Variants in COX18 observed in about 807,000 individuals in gnomAD.
COX18 encodes cytochrome c oxidase assembly protein COX18, mitochondrial.
Under a neutral mutation model 38.0 loss-of-function variants are expected in COX18, and 45 were observed. The ratio of observed to expected loss-of-function variants is 1.18; its 90% CI spans 0.93 to 1.52. The LOEUF is 1.52. Among genes scored for constraint, COX18 ranks in the 40% most tolerant of loss-of-function variants. The pLI is 0.00. For missense variants in COX18, 462 were observed against 423.8 expected, an observed-to-expected ratio of 1.09 and a Z score of -0.79; for synonymous variants, 177 against 169.8, an observed-to-expected ratio of 1.04 and a Z score of -0.33.
chr4:73,068,179 T>C (rs1487121581), intron 1 of COX18, 50 bp from the exon 2 acceptor site: 1 of 1,107,398 alleles, frequency 9.0e-7, no homozygotes, highest in East Asian at 2.5e-5. Context: ...TCTTTATTCA[T>C]AATGACTCAT....
chr4:73,057,261 T>A lies in COX18; in HGVS notation c.*853A>T, dbSNP rs558042871. 1 of 152,132 alleles carries A rather than the reference T, an allele frequency of 6.6e-6. No homozygotes were observed. Among genetic ancestry groups the A allele is most frequent in the Non-Finnish European group, 1.5e-5 (1 of 68,074 alleles). The allele number at this position is 152,132 out of a possible 1,614,324, so 9.4% of individuals were successfully genotyped here. A position where few individuals can be genotyped will look rare whatever the true frequency, so the allele number is the denominator to read the frequency against. ...GTCCAACATGGTGAAACCCCATCTC[T>A]ACTAAAAATACAAAAATTAGCTGGG... is the stretch of plus-strand genomic sequence containing the variant. On this transcript the variant is annotated 3_prime_UTR_variant, in exon 6 of 6. Transcript: ENST00000507544.
At position 73,068,019 on chromosome 4, in the gene COX18, A is replaced by G. The variant is rs568793621; in HGVS notation, c.434+10T>C. 75 of 1,591,008 alleles carry G rather than the reference A, an allele frequency of 4.7e-5. 1 individual carries two copies. The South Asian group carries it at 7.4e-4, about 16-fold the overall frequency. On this transcript the variant is annotated intron_variant, in intron 2 of 5. Transcript: ENST00000507544. The stretch of plus-strand genomic sequence containing the variant: ...GTGCGTATGGTCTTACGTGGATATA[A>G]TTAGCTTACCTGGCATCTCTTTTGG...
chr4:73,069,678 G>T lies in COX18; in HGVS notation c.-29C>A. 1 of 1,535,120 alleles carries T rather than the reference G, an allele frequency of 6.5e-7. No individual in the cohort carries two copies. The highest frequency in any genetic ancestry group is 1.4e-5 in the African/African-American group (1 of 73,348). ...TGCACCACGGCGGAGCCCAGATCCC[G>T]GGCCTCACAATCCAGCGGACATACA... is the stretch of plus-strand genomic sequence containing the variant. On this transcript the variant is annotated 5_prime_UTR_variant, in exon 1 of 6. Coordinates refer to ENST00000507544, the MANE Select transcript of COX18 (RefSeq NM_001297732.2).
intron 4 of COX18, among the ~76,000 whole-genome samples, chr4:73,064,022 T>G (rs1282414036): frequency 6.6e-6 from 1 of 152,158 alleles, no homozygotes; most frequent in Non-Finnish European, 1.5e-5. Flanking sequence ...CAGTGGCTCA[T>G]GCCTGTAATC....
At chr4:73,062,822 G>A (rs1465229435) in intron 4 of COX18, among the ~76,000 whole-genome samples, 1 of 148,062 alleles carries the variant, frequency 6.8e-6, no homozygotes, top group Admixed American at 6.8e-5. Flanking sequence ...GGGTGACAGA[G>A]TAAGACCGTC....
rs755209668 is a variant in COX18 at position 73,065,401 on chromosome 4, T to C, written c.447A>G (p.Leu149=). ...WSKRDARLTY[L]KNMRRLISEL... is the part of the protein sequence containing the mutation. Reference sequence around the variant, plus strand: ...CTGAAATTAGCCTCCTCATATTCTTTAGATAAGTGAGCCTAGATTGAGGTT... The same window carrying C: ...CTGAAATTAGCCTCCTCATATTCTTCAGATAAGTGAGCCTAGATTGAGGTT... Residue 149 remains leucine (L), a synonymous_variant, in exon 3 of 6, where the codon CTA becomes CTG. Transcript: ENST00000507544. 13 of 1,611,542 alleles carry C rather than the reference T, an allele frequency of 8.1e-6. No individual in the cohort carries two copies. In the Admixed American group the frequency reaches 1.7e-4, roughly 21 times the overall value.
intron 5 of COX18, among the ~76,000 whole-genome samples, chr4:73,059,931 C>G (rs942781430): frequency 2.6e-5 from 4 of 151,940 alleles, no homozygotes; most frequent in African/African-American, 9.7e-5. Flanking sequence ...ACTATATTTC[C>G]TTGCCTCTTC....
chr4:73,069,342 G>A lies in COX18; in HGVS notation c.308C>T (p.Ala103Val). The A allele has an allele frequency of 6.5e-7, 1 of 1,547,834 alleles. No individual in the cohort carries two copies. The highest frequency in any genetic ancestry group is 8.7e-7 in the Non-Finnish European group (1 of 1,146,070). ...CTTGGCCAGGATGTAGTGCTGGTAG[G>A]CTGCCAAAGGCAGCGTGACAGCACC... ...LRGAVTLPLA[A>V]YQHYILAKVE... The change falls in exon 1 of 6, where the codon GCC becomes GTC. Residue 103 changes from alanine to valine, a missense_variant. By Grantham distance (64) the Ala-to-Val change is moderately conservative (BLOSUM62 0). Transcript: ENST00000507544.
chr4:73,062,895 C>A (rs1268729565), intron 4 of COX18, among the ~76,000 whole-genome samples: 1 of 151,712 alleles, frequency 6.6e-6, no homozygotes, highest in Admixed American at 6.6e-5. Context: ...ACTCTAGAGC[C>A]AAACTACGTA....
rs1324780264 is a variant in COX18 at position 73,054,636 on chromosome 4, A to G, written c.*3478T>C. On this transcript the variant is annotated 3_prime_UTR_variant, in exon 6 of 6. Coordinates refer to ENST00000507544, the MANE Select transcript of COX18 (RefSeq NM_001297732.2). ...AGAGCAACAGGAAACTAAGCACAAT[A>G]TACATTTGTAAAGATACAAATATAC... The G allele has an allele frequency of 2.6e-5, 4 of 152,244 alleles. No individual in the cohort carries two copies. Among genetic ancestry groups the G allele is most frequent in the African/African-American group, 9.6e-5 (4 of 41,466 alleles). The allele number at this position is 152,244 out of a possible 1,614,324, so 9.4% of individuals were successfully genotyped here.
Position 73,055,973 on chromosome 4 carries a change from AGAATTCT to A in COX18, c.*2134_*2140del, listed in dbSNP as rs547096589. The A allele has an allele frequency of 2.7e-4, 41 of 152,356 alleles. No individual in the cohort carries two copies. In the East Asian group the frequency reaches 7.5e-3, roughly 28 times the overall value. 9.4% of individuals were successfully genotyped at this position (152,356 alleles called of 1,614,324 possible). A position where few individuals can be genotyped will look rare whatever the true frequency, so the allele number is the denominator to read the frequency against. On this transcript the variant is annotated 3_prime_UTR_variant, in exon 6 of 6. Transcript: ENST00000507544. The stretch of plus-strand genomic sequence containing the variant: ...GTCTAAAATAAATTCTCAGGGAAGC[AGAATTCT>A]TACCTCTGTATGCTGTACATTTTTT...
At position 73,057,525 on chromosome 4, in the gene COX18, C is replaced by A. The variant is rs1719953374; in HGVS notation, c.*589G>T. The A allele has an allele frequency of 6.6e-6, 1 of 152,196 alleles. No homozygotes were observed. Among genetic ancestry groups the A allele is most frequent in the Admixed American group, 6.5e-5 (1 of 15,280 alleles). The allele number at this position is 152,196 out of a possible 1,614,324, so 9.4% of individuals were successfully genotyped here. On this transcript the variant is annotated 3_prime_UTR_variant, in exon 6 of 6. Transcript: ENST00000507544. The stretch of plus-strand genomic sequence containing the variant: ...AACTTGCCATCATTCAGTAGCTAAC[C>A]CTATTCTCCAAAGTTCTGGTAGCTC...
At position 73,069,288 on chromosome 4, in the gene COX18, G is replaced by T. The variant is rs780527556; in HGVS notation, c.333+29C>A. On this transcript the variant is annotated intron_variant, in intron 1 of 5. Coordinates refer to ENST00000507544, the MANE Select transcript of COX18 (RefSeq NM_001297732.2). Reference sequence around the variant, plus strand: ...CCTCCGCCGCAGGGGTTGCAGCGCAGGGTACGCGCACGGCTCGGCGCCCCT... The same window carrying T: ...CCTCCGCCGCAGGGGTTGCAGCGCATGGTACGCGCACGGCTCGGCGCCCCT... 5.5e-6 allele frequency: 8 copies of T among 1,451,268 alleles called. No individual in the cohort carries two copies. The Admixed American group carries it at 2.1e-4, about 37-fold the overall frequency. 89.9% of individuals were successfully genotyped at this position (1,451,268 alleles called of 1,614,324 possible). A position where few individuals can be genotyped will look rare whatever the true frequency, so the allele number is the denominator to read the frequency against.
Position 73,065,282 on chromosome 4 carries a change from C to T in COX18, c.566G>A (p.Arg189Gln), listed in dbSNP as rs201446949. The change falls in exon 3 of 6, where the codon CGG becomes CAG. Residue 189 changes from arginine (R) to glutamine (Q), a missense_variant. Coordinates refer to ENST00000507544, the MANE Select transcript of COX18 (RefSeq NM_001297732.2). ...ATGTGCTGCCCCCGTGCTTAAATTCCGGAGAGCAAAAGACATGAAGATCCA... is the reference window on the plus strand; with the variant it reads ...ATGTGCTGCCCCCGTGCTTAAATTCTGGAGAGCAAAAGACATGAAGATCCA... ...PMWIFMSFAL[R>Q]NLSTGAAHSE... is the part of the protein sequence containing the mutation. The T allele has an allele frequency of 7.3e-5, 117 of 1,612,640 alleles. No homozygotes were observed. The highest frequency in any genetic ancestry group is 7.3e-4 in the South Asian group (66 of 91,022).
intron 3 of COX18, 66 bp from the exon 4 acceptor site, chr4:73,064,968 T>C: frequency 6.8e-7 from 1 of 1,478,130 alleles, no homozygotes; most frequent in Non-Finnish European, 9.3e-7. Flanking sequence ...ATATAAGACA[T>C]AAATAAGTAG....
chr4:73,057,981 T>C lies in COX18; in HGVS notation c.*133A>G. 1 of 679,572 alleles carries C rather than the reference T, an allele frequency of 1.5e-6. No homozygotes were observed. Among genetic ancestry groups the C allele is most frequent in the African/African-American group, 1.8e-5 (1 of 54,758 alleles). The allele number at this position is 679,572 out of a possible 1,614,324, so 42.1% of individuals were successfully genotyped here. A position where few individuals can be genotyped will look rare whatever the true frequency, so the allele number is the denominator to read the frequency against. On this transcript the variant is annotated 3_prime_UTR_variant, in exon 6 of 6. Transcript: ENST00000507544. ...GCCACTGTGCCTGGTCTGGATTACATCTTAACCTACAATATTTCATGAAGT... is the reference window on the plus strand; with the variant it reads ...GCCACTGTGCCTGGTCTGGATTACACCTTAACCTACAATATTTCATGAAGT...
intron 2 of COX18, 35 bp from the exon 3 acceptor site, chr4:73,065,448 G>C (rs1478610605): frequency 1.3e-6 from 2 of 1,557,352 alleles, no homozygotes; most frequent in Non-Finnish European, 1.8e-6. Flanking sequence ...AGGGGAAAGA[G>C]AAAATGTCAT....
Position 73,069,300 on chromosome 4 carries a change from G to C in COX18, c.333+17C>G, listed in dbSNP as rs192401568. 14 of 1,487,144 alleles carry C rather than the reference G, an allele frequency of 9.4e-6. No homozygotes were observed. The highest frequency in any genetic ancestry group is 8.4e-5 in the African/African-American group (6 of 71,290). 92.1% of individuals were successfully genotyped at this position (1,487,144 alleles called of 1,614,324 possible). On this transcript the variant is annotated intron_variant, in intron 1 of 5. Transcript: ENST00000507544. ...GGGTTGCAGCGCAGGGTACGCGCAC[G>C]GCTCGGCGCCCCTCACCTTGGCCAG...
In COX18 at chr4:73,065,363, C is replaced by T. The variant is rs199728913; in HGVS notation, c.485G>A (p.Arg162Gln). The T allele has an allele frequency of 2.9e-5, 47 of 1,613,592 alleles. No homozygotes were observed. Among genetic ancestry groups the T allele is most frequent in the Non-Finnish European group, 3.6e-5 (43 of 1,179,824 alleles). Residue 162 changes from arginine (R) to glutamine (Q), a missense_variant, in exon 3 of 6, where the codon CGA (arginine) becomes CAA (glutamine). Coordinates refer to ENST00000507544, the MANE Select transcript of COX18 (RefSeq NM_001297732.2). Reference sequence around the variant, plus strand: ...GGCTTTGAAAGGGTGGCAGTTATCTCGCACATATAGCTCTGAAATTAGCCT... The same window carrying T: ...GGCTTTGAAAGGGTGGCAGTTATCTTGCACATATAGCTCTGAAATTAGCCT... ...MRRLISELYV[R>Q]DNCHPFKATV...
Sources: allele counts gnomAD v4.1 joint callset (sites outside exome capture counted in the v4.1 genomes callset), GRCh38; gene constraint gnomAD v4.1.1; transcripts MANE v1.5; gene names NCBI Gene and HGNC (gene_info 2026-07-23, HGNC 2026-07-21).